The following IL1RAPL2 variants were observed in gnomAD, a reference collection of about 807,000 sequenced individuals.
The protein encoded by IL1RAPL2 is X-linked interleukin-1 receptor accessory protein-like 2.
A neutral mutation model predicts 44.1 loss-of-function variants in IL1RAPL2; 3 were observed. The observed-to-expected ratio is 0.07, with a 90% CI of 0.03 to 0.18. The LOEUF (loss-of-function observed/expected upper bound fraction) is 0.18. IL1RAPL2 is among the 10% of genes least tolerant of loss of function. IL1RAPL2 has a pLI of 1.00. For missense variants in IL1RAPL2, 391 were observed against 496.4 expected, an observed-to-expected ratio of 0.79 and a Z score of 2.02; for synonymous variants, 181 against 178.8, an observed-to-expected ratio of 1.01 and a Z score of -0.10.
chrX:105,601,983 C>T (rs1569457804), intron 6 of IL1RAPL2, among the ~76,000 whole-genome samples: 1 of 111,270 alleles, frequency 9.0e-6, no homozygotes, highest in East Asian at 2.9e-4. Flanking sequence ...GTGTGCACTC[C>T]CTAGAAGCTG....
Position 105,767,484 on chromosome X carries a change from G to C in IL1RAPL2, c.1884G>C (p.Thr628=), listed in dbSNP as rs1248199527. 1 of 1,211,350 alleles carries C rather than the reference G, an allele frequency of 8.3e-7. No homozygotes were observed. The highest frequency in any genetic ancestry group is 1.1e-6 in the Non-Finnish European group (1 of 895,397). ...GTTATAAACATGAGATACCAGCCAC[G>C]ACCTTGCCAGTACCTTCCTTAGGCA... is the stretch of plus-strand genomic sequence containing the variant. ...CRGYKHEIPA[T]TLPVPSLGNH... The change falls in exon 11 of 11, where the codon ACG becomes ACC. Residue 628 remains threonine (T), a synonymous_variant. Transcript: ENST00000372582.
At chrX:104,718,407 A>G (rs1343409350) in intron 2 of IL1RAPL2, among the ~76,000 whole-genome samples, 2 of 110,918 alleles carry the variant, frequency 1.8e-5, no homozygotes, top group Non-Finnish European at 1.9e-5. Flanking sequence ...CTGTGTCCCC[A>G]CCCATATGTC....
intron 1 of IL1RAPL2, among the ~76,000 whole-genome samples, chrX:104,589,340 A>T (rs1315001069): frequency 8.9e-6 from 1 of 112,248 alleles, no homozygotes; most frequent in Non-Finnish European, 1.9e-5. Flanking sequence ...CCAGCACAGG[A>T]GAAAGATGTA....
At chrX:105,401,411 A>G (rs1382571076) in intron 5 of IL1RAPL2, among the ~76,000 whole-genome samples, 3 of 111,681 alleles carry the variant, frequency 2.7e-5, no homozygotes, top group Admixed American at 9.5e-5. Context: ...AAGTCTGGAT[A>G]TTGTGGAATG....
chrX:104,675,292 T>C (rs1368446487), intron 2 of IL1RAPL2, among the ~76,000 whole-genome samples: 3 of 111,647 alleles, frequency 2.7e-5, no homozygotes, highest in Non-Finnish European at 5.6e-5. Context: ...GATTCTGGTA[T>C]GTTGTGTCTT....
At chrX:104,670,256 C>T (rs1445919647) in intron 2 of IL1RAPL2, among the ~76,000 whole-genome samples, 1 of 111,344 alleles carries the variant, frequency 9.0e-6, no homozygotes, top group Admixed American at 9.5e-5. Context: ...TGGTGTAAGT[C>T]CAAGAGTGCA....
chrX:105,084,708 C>T (rs1313597022), intron 2 of IL1RAPL2, among the ~76,000 whole-genome samples: 1 of 111,977 alleles, frequency 8.9e-6, no homozygotes, highest in Non-Finnish European at 1.9e-5. Flanking sequence ...TGAGTTAAGA[C>T]TTTGGGGTAC....
chrX:105,621,515 CT>C (rs763677397), intron 6 of IL1RAPL2, among the ~76,000 whole-genome samples: 12 of 111,391 alleles, frequency 1.1e-4, no homozygotes, highest in Non-Finnish European at 2.1e-4. Flanking sequence ...TGAGGCCGTC[CT>C]CTGGAATAAG....
chrX:105,534,417 A>T (rs1602454375), intron 6 of IL1RAPL2, among the ~76,000 whole-genome samples: 1 of 112,042 alleles, frequency 8.9e-6, no homozygotes, highest in East Asian at 2.8e-4. Flanking sequence ...AAGACAAAGG[A>T]TAAATGCTTG....
chrX:104,699,865 T>G (rs960882937), intron 2 of IL1RAPL2, among the ~76,000 whole-genome samples: 1 of 111,865 alleles, frequency 8.9e-6, no homozygotes, highest in Non-Finnish European at 1.9e-5. Flanking sequence ...GGTCCTTGTG[T>G]GCATGTTTTC....
chrX:105,656,229 C>A (rs2037676347), intron 6 of IL1RAPL2, among the ~76,000 whole-genome samples: 1 of 111,374 alleles, frequency 9.0e-6, no homozygotes, highest in Admixed American at 9.5e-5. Context: ...TGTCATGTAC[C>A]TTTTAATTTT....
At chrX:104,662,616 AGGGT>A (rs1193301632) in intron 2 of IL1RAPL2, among the ~76,000 whole-genome samples, 1 of 111,582 alleles carries the variant, frequency 9.0e-6, no homozygotes, top group Non-Finnish European at 1.9e-5. Context: ...AATTTTTAAT[AGGGT>A]GGGTGGGAGA....
At chrX:104,701,799 T>C (rs754674459) in intron 2 of IL1RAPL2, among the ~76,000 whole-genome samples, 1 of 111,813 alleles carries the variant, frequency 8.9e-6, no homozygotes. Flanking sequence ...ATAGTCCCAG[T>C]TGGTAATGAC....
chrX:105,009,560 G>A (rs1390702165), intron 2 of IL1RAPL2, among the ~76,000 whole-genome samples: 1 of 96,844 alleles, frequency 1.0e-5, no homozygotes, highest in Non-Finnish European at 2.1e-5. Flanking sequence ...GAGAACACAT[G>A]GACACAGGAA....
chrX:104,668,496 T>G (rs368439422), intron 2 of IL1RAPL2, among the ~76,000 whole-genome samples: 11 of 73,503 alleles, frequency 1.5e-4, no homozygotes, highest in African/African-American at 4.3e-4. Context: ...CGCACAACAG[T>G]CCCCAGAGTG....
chrX:105,504,404 A>G (rs1312111286), intron 6 of IL1RAPL2, among the ~76,000 whole-genome samples: 2 of 111,661 alleles, frequency 1.8e-5, no homozygotes, highest in African/African-American at 6.5e-5. Context: ...TTCCTATCTT[A>G]AGTCCATAGG....
intron 2 of IL1RAPL2, among the ~76,000 whole-genome samples, chrX:105,192,684 G>A (rs1345650865): frequency 1.8e-5 from 2 of 111,255 alleles, no homozygotes; most frequent in African/African-American, 3.3e-5. Flanking sequence ...TCATAGATCC[G>A]TGTTATCATA....
chrX:104,607,827 C>T (rs1381395745), intron 1 of IL1RAPL2, among the ~76,000 whole-genome samples: 1 of 111,961 alleles, frequency 8.9e-6, no homozygotes, highest in Non-Finnish European at 1.9e-5. Context: ...GTGGAAATTC[C>T]TCAAGGATCT....
At chrX:105,214,079 C>T (rs978022069) in intron 3 of IL1RAPL2, among the ~76,000 whole-genome samples, 20 of 104,028 alleles carry the variant, frequency 1.9e-4, no homozygotes, top group Admixed American at 1.1e-4. Context: ...GCAAAATAAC[C>T]GGCCAGCATC....
Sources: gnomAD v4.1 joint callset for allele counts (sites outside exome capture counted in the v4.1 genomes callset) on GRCh38, gnomAD v4.1.1 for gene constraint, MANE v1.5 for transcripts, NCBI Gene and HGNC (gene_info 2026-07-23, HGNC 2026-07-21) for gene names.